Variants in ZNF18 observed in about 807,000 individuals in gnomAD.
ZNF18 encodes zinc finger protein 18.
ZNF18 carries 42 observed loss-of-function variants against 58.1 expected under a neutral mutation model. That is an observed-to-expected ratio of 0.72 (90% CI 0.56 to 0.93). The LOEUF is 0.93. ZNF18 is among the 40% of genes least tolerant of loss of function. The probability of loss-of-function intolerance (pLI) is 0.00; values close to 1 mark genes in which losing one functional copy is unlikely to be tolerated. For missense variants in ZNF18, 540 were observed against 644.2 expected, an observed-to-expected ratio of 0.84 and a Z score of 1.75; for synonymous variants, 231 against 239.8, an observed-to-expected ratio of 0.96 and a Z score of 0.34.
At position 11,977,962 on chromosome 17, in the gene ZNF18, G is replaced by A; in HGVS notation, c.1645C>T (p.Gln549Ter). 2.6e-6 allele frequency: 4 copies of A among 1,559,212 alleles called. No homozygotes were observed. Among genetic ancestry groups the A allele is most frequent in the Non-Finnish European group, 3.5e-6 (4 of 1,155,360 alleles). The change falls in exon 7 of 7, where the codon CAA (glutamine) becomes TAA (stop). Residue 549 changes from glutamine to a stop codon, truncating the protein, a stop_gained. Coordinates refer to ENST00000580306, the MANE Select transcript of ZNF18 (RefSeq NM_001303281.2). LOFTEE classifies it high-confidence loss of function. The stretch of plus-strand genomic sequence containing the variant: ...AAAGAGAGTTTGGTTACTGGCTATT[G>A]AAAGGGCTTCTTTCCTAAGTGGGAT... ...QRSHLGKKPF[Q>*] is the part of the protein sequence containing the mutation.
At chr17:11,996,595 GC>G (rs1394905319) in intron 1 of ZNF18, among the ~76,000 whole-genome samples, 1 of 151,964 alleles carries the variant, frequency 6.6e-6, no homozygotes, top group African/African-American at 2.4e-5. Flanking sequence ...ATGAGGAACT[GC>G]CCCCATTAGT....
intron 4 of ZNF18, among the ~76,000 whole-genome samples, chr17:11,989,230 C>T (rs1341167470): frequency 1.3e-5 from 2 of 151,784 alleles, no homozygotes; most frequent in Non-Finnish European, 2.9e-5. Flanking sequence ...GAGGCTGAGG[C>T]AGGAGTATGG....
intron 4 of ZNF18, among the ~76,000 whole-genome samples, chr17:11,987,030 C>T (rs1440455287): frequency 1.3e-5 from 2 of 152,220 alleles, no homozygotes; most frequent in Non-Finnish European, 2.9e-5. Context: ...AGAGGCAAGA[C>T]GCCAATGGCA....
At chr17:12,003,439 C>CAAAAA in the ZNF18 span, among the ~76,000 whole-genome samples, 1 of 72,474 alleles carries the variant, frequency 1.4e-5, no homozygotes, top group African/African-American at 4.9e-5. Flanking sequence ...GACTCTGTCT[C>CAAAAA]AAAAAAAAAA....
chr17:12,005,687 A>G, the ZNF18 span, among the ~76,000 whole-genome samples: 1 of 152,172 alleles, frequency 6.6e-6, no homozygotes, highest in Non-Finnish European at 1.5e-5. Context: ...AGTATTAAAG[A>G]TTTGCTCAAA....
chr17:11,988,513 G>A (rs983749846), intron 4 of ZNF18, among the ~76,000 whole-genome samples: 18 of 152,124 alleles, frequency 1.2e-4, no homozygotes, highest in Non-Finnish European at 2.2e-4. Context: ...GAGCGTCCCC[G>A]CAAAGTCTGG....
intron 4 of ZNF18, among the ~76,000 whole-genome samples, chr17:11,986,753 TG>T (rs528645003): frequency 1.1e-4 from 17 of 152,298 alleles, no homozygotes; most frequent in African/African-American, 2.6e-4. Flanking sequence ...GAGAAAAGGA[TG>T]CACTTGCCAA....
the ZNF18 span, among the ~76,000 whole-genome samples, chr17:12,012,472 G>A: frequency 6.6e-6 from 1 of 152,116 alleles, no homozygotes; most frequent in Non-Finnish European, 1.5e-5. Context: ...AAGAATACAC[G>A]TCTAGAGGTA....
chr17:11,997,839 G>A (rs1241604822), upstream of ZNF18, among the ~76,000 whole-genome samples: 1 of 152,170 alleles, frequency 6.6e-6, no homozygotes, highest in Non-Finnish European at 1.5e-5. Context: ...GCAACGCTCT[G>A]CCATTATCCC....
At chr17:11,984,522 T>TG (rs991226078) in intron 4 of ZNF18, among the ~76,000 whole-genome samples, 6 of 151,848 alleles carry the variant, frequency 4.0e-5, no homozygotes, top group Non-Finnish European at 7.4e-5. Flanking sequence ...TTTGGGTTTT[T>TG]TTTTTTTTTT....
At chr17:11,997,820 C>T (rs1968571545), upstream of ZNF18, among the ~76,000 whole-genome samples, 1 of 152,216 alleles carries the variant, frequency 6.6e-6, no homozygotes, top group Non-Finnish European at 1.5e-5. Flanking sequence ...CAGTCCCACC[C>T]GCAGAGCTGC....
At position 11,992,187 on chromosome 17, in the gene ZNF18, C is replaced by T. The variant is rs73980548; in HGVS notation, c.387+256G>A. Among the ~76,000 whole-genome samples the T allele has an allele frequency of 7.2e-3, 1,102 of 152,258 alleles. 9 individuals are homozygous for T. Among genetic ancestry groups the T allele is most frequent in the African/African-American group, 0.026 (1,064 of 41,540 alleles). Reference sequence around the variant, plus strand: ...ATTTATAGCCAATTTGTCAGAAGTACAGGTGGCCCCTGGGACTTGTGACTG... The same window carrying T: ...ATTTATAGCCAATTTGTCAGAAGTATAGGTGGCCCCTGGGACTTGTGACTG... On this transcript the variant is annotated intron_variant, in intron 2 of 6. Coordinates refer to ENST00000580306, the MANE Select transcript of ZNF18 (RefSeq NM_001303281.2).
At chr17:12,012,341 G>A in the ZNF18 span, among the ~76,000 whole-genome samples, 1 of 152,032 alleles carries the variant, frequency 6.6e-6, no homozygotes, top group Non-Finnish European at 1.5e-5. Flanking sequence ...GGTAGTATTC[G>A]CTCCATGTTT....
At chr17:11,990,948 A>G in intron 3 of ZNF18, 26 bp downstream of exon 3, 1 of 1,597,896 alleles carries the variant, frequency 6.3e-7, no homozygotes, top group South Asian at 1.1e-5. Context: ...TCTCTCCAAG[A>G]GAACACCACA....
At chr17:11,988,804 T>G (rs1205822207) in intron 4 of ZNF18, among the ~76,000 whole-genome samples, 1 of 150,364 alleles carries the variant, frequency 6.7e-6, no homozygotes, top group African/African-American at 2.5e-5. Context: ...CCCACCAATG[T>G]GATACCCAAT....
chr17:12,004,264 C>T, the ZNF18 span, among the ~76,000 whole-genome samples: 41 of 151,726 alleles, frequency 2.7e-4, no homozygotes, highest in African/African-American at 9.2e-4. Flanking sequence ...CTTACATTTT[C>T]ACTTATTCAA....
the ZNF18 span, among the ~76,000 whole-genome samples, chr17:12,019,496 T>C: frequency 6.6e-6 from 1 of 152,042 alleles, no homozygotes; most frequent in Non-Finnish European, 1.5e-5. Flanking sequence ...GATTTCCAGA[T>C]GGGAATCTGG....
the ZNF18 span, chr17:12,021,152 C>T: frequency 2.4e-6 from 1 of 424,278 alleles, no homozygotes; most frequent in Non-Finnish European, 3.8e-6. Flanking sequence ...TCCCGCCCCG[C>T]TCCCGGCCGC....
chr17:11,992,406 T>G (rs749898420), intron 2 of ZNF18, 37 bp downstream of exon 2: 2 of 1,590,262 alleles, frequency 1.3e-6, no homozygotes, highest in Non-Finnish European at 1.7e-6. Flanking sequence ...AGAGGAGCCC[T>G]GTGTTTCACT....
Sources: allele counts gnomAD v4.1 joint callset (sites outside exome capture counted in the v4.1 genomes callset), GRCh38; gene constraint gnomAD v4.1.1; transcripts MANE v1.5; gene names NCBI Gene and HGNC (gene_info 2026-07-23, HGNC 2026-07-21).